KLHL14: variants seen among roughly 807,000 people sequenced by gnomAD.
KLHL14 encodes the protein kelch like family member 14.
A neutral mutation model predicts 64.3 loss-of-function variants in KLHL14; 22 were observed. The ratio of observed to expected loss-of-function variants is 0.34; its 90% CI spans 0.24 to 0.49. The LOEUF (loss-of-function observed/expected upper bound fraction) is 0.49, where lower values mean the gene tolerates loss of function less well. KLHL14 is among the 20% of genes least tolerant of loss of function. The pLI, the probability that KLHL14 is intolerant of heterozygous loss-of-function variation, is 0.99. For synonymous variants in KLHL14, 322 were observed against 333.4 expected, an observed-to-expected ratio of 0.97 and a Z score of 0.37; for missense variants, 661 against 789.0, an observed-to-expected ratio of 0.84 and a Z score of 1.94.
chr18:32,772,004 C>T, intron 1 of KLHL14: 2 of 214,866 alleles, frequency 9.3e-6, no homozygotes, highest in Non-Finnish European at 1.8e-5. Flanking sequence ...GTGGGGGAGG[C>T]GAGGCGAAAT....
chr18:32,676,007 T>C (rs2049809525), intron 8 of KLHL14, among the ~76,000 whole-genome samples: 1 of 152,074 alleles, frequency 6.6e-6, no homozygotes, highest in Non-Finnish European at 1.5e-5. Context: ...ATCAGGAAAA[T>C]ATAAAAATGT....
In KLHL14 at chr18:32,771,015, G is replaced by A. The variant is rs114037252; in HGVS notation, c.-43-381C>T. 2.3e-3 allele frequency: 893 copies of A among 384,396 alleles called. 13 individuals are homozygous for A. The highest frequency in any genetic ancestry group is 0.018 in the African/African-American group (829 of 45,972). The allele number at this position is 384,396 out of a possible 1,614,324, so 23.8% of individuals were successfully genotyped here. On this transcript the variant is annotated intron_variant, in intron 1 of 8. Transcript: ENST00000359358. ...TGAGGCCGAGGCACCTCGTGGGCTC[G>A]TGTCCATGCCGGGCCAGATGAAGGG... is the stretch of plus-strand genomic sequence containing the variant.
chr18:32,771,031 A>C, intron 1 of KLHL14: 1 of 349,902 alleles, frequency 2.9e-6, no homozygotes, highest in Non-Finnish European at 5.8e-6. Flanking sequence ...ATGCCGGGCC[A>C]GATGAAGGGA....
At chr18:32,693,413 CAGAGAGAGAG>C (rs56135629) in intron 4 of KLHL14, among the ~76,000 whole-genome samples, 1,207 of 96,934 alleles carry the variant, frequency 0.012, 13 homozygotes, top group African/African-American at 0.036. Context: ...CACACACACA[CAGAGAGAGAG>C]AGAGAGAGAG....
chr18:32,718,559 C>T (rs1446540679), intron 3 of KLHL14, among the ~76,000 whole-genome samples: 1 of 152,152 alleles, frequency 6.6e-6, no homozygotes, highest in Admixed American at 6.5e-5. Context: ...AGATACTAAA[C>T]ATCAATGGGC....
At chr18:32,698,321 A>AT (rs1160366480) in intron 3 of KLHL14, among the ~76,000 whole-genome samples, 2 of 152,174 alleles carry the variant, frequency 1.3e-5, no homozygotes, top group Non-Finnish European at 2.9e-5. Flanking sequence ...CCAGGTTCAC[A>AT]TACAGCCCAG....
At chr18:32,731,015 G>A (rs2050134597) in intron 3 of KLHL14, among the ~76,000 whole-genome samples, 1 of 152,114 alleles carries the variant, frequency 6.6e-6, no homozygotes, top group African/African-American at 2.4e-5. Context: ...AATGTGGCCA[G>A]GTCCTTAAGG....
chr18:32,738,527 A>C (rs1484089286), intron 3 of KLHL14: 1 of 152,170 alleles, frequency 6.6e-6, no homozygotes, highest in Non-Finnish European at 1.5e-5. Flanking sequence ...TTAACACTTC[A>C]CATTTACAAA....
chr18:32,721,816 C>T (rs988376753), intron 3 of KLHL14, among the ~76,000 whole-genome samples: 20 of 152,182 alleles, frequency 1.3e-4, no homozygotes, highest in African/African-American at 4.8e-4. Flanking sequence ...GCCTACCTGA[C>T]TCACCCATTT....
At chr18:32,717,696 A>T (rs1351402137) in intron 3 of KLHL14, among the ~76,000 whole-genome samples, 1 of 152,108 alleles carries the variant, frequency 6.6e-6, no homozygotes, top group African/African-American at 2.4e-5. Flanking sequence ...TGTCATATAG[A>T]TCAACATTTT....
At chr18:32,698,558 G>A (rs12970312) in intron 3 of KLHL14, among the ~76,000 whole-genome samples, 31,845 of 152,052 alleles carry the variant, frequency 0.21, 3,840 homozygotes, top group Middle Eastern at 0.27. Flanking sequence ...GAACATGACC[G>A]CATTTATCAT....
intron 3 of KLHL14, among the ~76,000 whole-genome samples, chr18:32,726,040 T>C (rs2050106337): frequency 6.6e-6 from 1 of 152,180 alleles, no homozygotes; most frequent in Non-Finnish European, 1.5e-5. Context: ...CATTACCAAG[T>C]GGTGTGATTT....
intron 3 of KLHL14, among the ~76,000 whole-genome samples, chr18:32,705,144 T>A (rs2049983888): frequency 6.6e-6 from 1 of 152,230 alleles, no homozygotes; most frequent in African/African-American, 2.4e-5. Context: ...AATATTAGCT[T>A]AATTTAAAAA....
intron 2 of KLHL14, chr18:32,743,786 T>C (rs2050210908): frequency 6.6e-6 from 1 of 152,342 alleles, no homozygotes; most frequent in South Asian, 2.1e-4. Context: ...GTGCAGTCTG[T>C]ACCTTTCTTT....
At chr18:32,718,456 C>A (rs144466053) in intron 3 of KLHL14, among the ~76,000 whole-genome samples, 45 of 152,230 alleles carry the variant, frequency 3.0e-4, no homozygotes, top group South Asian at 1.5e-3. Context: ...AGAGATATTT[C>A]CCCCCAGACT....
intron 3 of KLHL14, among the ~76,000 whole-genome samples, chr18:32,731,633 T>C (rs2050137463): frequency 6.6e-6 from 1 of 152,032 alleles, no homozygotes; most frequent in African/African-American, 2.4e-5. Flanking sequence ...AAAATAAGAG[T>C]TGAAAAAGAA....
chr18:32,754,706 G>A (rs532223149), intron 2 of KLHL14, among the ~76,000 whole-genome samples: 1 of 152,310 alleles, frequency 6.6e-6, no homozygotes, highest in South Asian at 2.1e-4. Flanking sequence ...TGCCAACCAG[G>A]CTGTTTCCAG....
At chr18:32,767,873 T>A (rs1247101158) in intron 2 of KLHL14, among the ~76,000 whole-genome samples, 2 of 152,220 alleles carry the variant, frequency 1.3e-5, no homozygotes, top group African/African-American at 4.8e-5. Context: ...ATTTATACCG[T>A]GTTATACATA....
intron 2 of KLHL14, among the ~76,000 whole-genome samples, chr18:32,766,493 G>C (rs113288431): frequency 6.6e-6 from 1 of 152,004 alleles, no homozygotes; most frequent in African/African-American, 2.4e-5. Flanking sequence ...TCTTTGTGTT[G>C]AGAATGTTTC....
Sources: gnomAD v4.1 joint callset for allele counts (sites outside exome capture counted in the v4.1 genomes callset) on GRCh38, gnomAD v4.1.1 for gene constraint, MANE v1.5 for transcripts, NCBI Gene and HGNC (gene_info 2026-07-23, HGNC 2026-07-21) for gene names.